DAB1: variants seen among roughly 807,000 people sequenced by gnomAD.
DAB1 encodes DAB adaptor protein 1.
Under a neutral mutation model 64.6 loss-of-function variants are expected in DAB1, and 15 were observed. The ratio of observed to expected loss-of-function variants is 0.23; its 90% CI spans 0.16 to 0.36. The LOEUF (loss-of-function observed/expected upper bound fraction) is 0.36. DAB1 is among the 10% of genes least tolerant of loss of function. The pLI, the probability that DAB1 is intolerant of heterozygous loss-of-function variation, is 1.00. For missense variants in DAB1, 596 were observed against 706.7 expected, an observed-to-expected ratio of 0.84 and a Z score of 1.78; for synonymous variants, 235 against 251.9, an observed-to-expected ratio of 0.93 and a Z score of 0.64.
intron 4 of DAB1, among the ~76,000 whole-genome samples, chr1:58,245,792 T>C (rs556570362): frequency 1.3e-5 from 2 of 152,350 alleles, no homozygotes; most frequent in South Asian, 4.1e-4. Flanking sequence ...CTAGTATTCG[T>C]GTTCTACTTA....
intron 6 of DAB1, among the ~76,000 whole-genome samples, chr1:57,757,858 C>T (rs1648890943): frequency 6.6e-6 from 1 of 152,048 alleles, no homozygotes; most frequent in African/African-American, 2.4e-5. Context: ...GCTGTGTTGC[C>T]CAGGCTGAAG....
chr1:57,425,365 T>C (rs1256779655), upstream of DAB1, among the ~76,000 whole-genome samples: 1 of 152,148 alleles, frequency 6.6e-6, no homozygotes, highest in East Asian at 1.9e-4. Context: ...GTGTTTTTTT[T>C]TCTCGTAGCT....
intron 1 of DAB1, among the ~76,000 whole-genome samples, chr1:57,308,177 A>G (rs1003530174): frequency 2.0e-5 from 3 of 152,226 alleles, no homozygotes; most frequent in African/African-American, 7.2e-5. Context: ...CAGATTTGTA[A>G]TTGAGTTATC....
intron 11 of DAB1, among the ~76,000 whole-genome samples, chr1:57,016,691 TATTACC>T (rs10570777): frequency 0.13 from 20,367 of 151,972 alleles, 1,792 homozygotes; most frequent in East Asian, 0.33. Flanking sequence ...TACTCACACG[TATTACC>T]ATGATAATTG....
chr1:58,522,661 C>T (rs1321167618), intron 2 of DAB1, among the ~76,000 whole-genome samples: 1 of 152,094 alleles, frequency 6.6e-6, no homozygotes, highest in Non-Finnish European at 1.5e-5. Context: ...CATTTGACTC[C>T]CCCAAAACCT....
chr1:57,291,989 C>G (rs1388560333), intron 1 of DAB1, among the ~76,000 whole-genome samples: 5 of 152,166 alleles, frequency 3.3e-5, no homozygotes, highest in Non-Finnish European at 5.9e-5. Context: ...ACAGTATTCT[C>G]TTTGATAATA....
At chr1:58,227,866 GA>G in intron 4 of DAB1, among the ~76,000 whole-genome samples, 1 of 152,306 alleles carries the variant, frequency 6.6e-6, no homozygotes, top group East Asian at 1.9e-4. Context: ...CAGTTTCTGA[GA>G]TTTATTTCTG....
intron 3 of DAB1, among the ~76,000 whole-genome samples, chr1:57,139,942 A>G (rs905965296): frequency 1.3e-5 from 2 of 152,122 alleles, no homozygotes; most frequent in African/African-American, 4.8e-5. Flanking sequence ...ATCTTTGGGG[A>G]AAGAAAAGTC....
intron 7 of DAB1, among the ~76,000 whole-genome samples, chr1:57,533,153 A>T (rs1644684902): frequency 6.6e-6 from 1 of 152,082 alleles, no homozygotes; most frequent in Admixed American, 6.5e-5. Flanking sequence ...ATGATGATAC[A>T]TATCACCATA....
intron 2 of DAB1, among the ~76,000 whole-genome samples, chr1:57,187,406 T>A (rs1663676276): frequency 6.6e-6 from 1 of 152,156 alleles, no homozygotes; most frequent in African/African-American, 2.4e-5. Flanking sequence ...AAGCACAGTA[T>A]CTTACTATAA....
intron 4 of DAB1, among the ~76,000 whole-genome samples, chr1:58,333,679 G>T (rs1663029216): frequency 6.6e-6 from 1 of 152,208 alleles, no homozygotes; most frequent in Non-Finnish European, 1.5e-5. Context: ...AGCTCCAATT[G>T]TAAGCAAATA....
At chr1:58,378,828 C>T (rs1466877529) in intron 3 of DAB1, among the ~76,000 whole-genome samples, 966 of 73,624 alleles carry the variant, frequency 0.013, no homozygotes, top group South Asian at 0.021. Flanking sequence ...TAGCAATCAG[C>T]GAGATTCCGT....
intron 4 of DAB1, among the ~76,000 whole-genome samples, chr1:58,236,994 TC>T (rs1660071991): frequency 6.6e-6 from 1 of 152,136 alleles, no homozygotes; most frequent in Non-Finnish European, 1.5e-5. Flanking sequence ...TACTCCCTCT[TC>T]CCACTATACT....
chr1:57,507,714 C>T (rs946062910), intron 7 of DAB1, among the ~76,000 whole-genome samples: 1 of 152,178 alleles, frequency 6.6e-6, no homozygotes, highest in South Asian at 2.1e-4. Context: ...CAGTTCCTTT[C>T]GTAAATGGGC....
intron 5 of DAB1, among the ~76,000 whole-genome samples, chr1:58,035,528 T>C (rs1647032014): frequency 6.6e-6 from 1 of 152,220 alleles, no homozygotes; most frequent in Non-Finnish European, 1.5e-5. Flanking sequence ...ATGAGGAAAC[T>C]GAGGCCCAAA....
chr1:57,755,321 G>A (rs1454395673), intron 6 of DAB1, among the ~76,000 whole-genome samples: 1 of 152,062 alleles, frequency 6.6e-6, no homozygotes, highest in Non-Finnish European at 1.5e-5. Context: ...CATGAATAGG[G>A]TATCACACTC....
Position 57,099,651 on chromosome 1 carries a change from C to T in DAB1, c.307-27237G>A, listed in dbSNP as rs74077221. Among the ~76,000 whole-genome samples, 410 of 152,282 alleles carry T rather than the reference C, an allele frequency of 2.7e-3. 3 individuals carry two copies. The highest frequency in any genetic ancestry group is 9.3e-3 in the African/African-American group (388 of 41,568). On this transcript the variant is annotated intron_variant, in intron 4 of 14. Coordinates refer to ENST00000371236, the MANE Select transcript of DAB1 (RefSeq NM_001365792.1). The stretch of plus-strand genomic sequence containing the variant: ...TGGAAACAGGGTTAGAAAAAGCCAA[C>T]GCAATATAAACCCTGATGCAAGAGC...
At chr1:58,202,323 T>C (rs934227961) in intron 4 of DAB1, among the ~76,000 whole-genome samples, 4 of 152,242 alleles carry the variant, frequency 2.6e-5, no homozygotes, top group Non-Finnish European at 1.5e-5. Context: ...AAGATAGTAA[T>C]TGCCACTGAG....
chr1:57,752,152 G>T (rs1183479453), intron 6 of DAB1, among the ~76,000 whole-genome samples: 1 of 152,186 alleles, frequency 6.6e-6, no homozygotes, highest in African/African-American at 2.4e-5. Context: ...TGAGTTCTCC[G>T]CTCATATAAT....
Sources: gnomAD v4.1 joint callset for allele counts (sites outside exome capture counted in the v4.1 genomes callset) on GRCh38, gnomAD v4.1.1 for gene constraint, MANE v1.5 for transcripts, NCBI Gene and HGNC (gene_info 2026-07-23, HGNC 2026-07-21) for gene names.